The following JAK1 variants were observed in gnomAD, a reference collection of about 807,000 sequenced individuals.
The protein encoded by JAK1 is tyrosine-protein kinase JAK1.
In JAK1, 16 loss-of-function variants were observed where a neutral mutation model predicts 136.6. The ratio of observed to expected loss-of-function variants is 0.12; its 90% CI spans 0.08 to 0.18. The LOEUF is 0.18. Among genes scored for constraint, JAK1 ranks in the 10% least tolerant of loss-of-function variants. The pLI, the probability that JAK1 is intolerant of heterozygous loss-of-function variation, is 1.00. For missense variants in JAK1, 859 were observed against 1,450.1 expected (o/e 0.59, Z 6.62); for synonymous variants, 492 against 519.5 (o/e 0.95, Z 0.72).
At chr1:64,970,230 A>AGGAGTT, upstream of JAK1, among the ~76,000 whole-genome samples, 1 of 149,544 alleles carries the variant, frequency 6.7e-6, no homozygotes, top group East Asian at 2.0e-4. Context: ...GCTTGAGGCC[A>AGGAGTT]GGAGTTCAAA....
intron 1 of JAK1, among the ~76,000 whole-genome samples, chr1:64,939,357 G>C (rs1334355149): frequency 2.0e-5 from 3 of 152,190 alleles, no homozygotes; most frequent in Non-Finnish European, 4.4e-5. Context: ...ACAGGACAAG[G>C]AAAGAAGTTC....
intron 1 of JAK1, among the ~76,000 whole-genome samples, chr1:64,947,295 C>T (rs1193606780): frequency 1.3e-5 from 2 of 152,138 alleles, no homozygotes; most frequent in Non-Finnish European, 2.9e-5. Context: ...TCTCTAGAAA[C>T]TTCTCATACC....
At chr1:64,867,547 CACTGTT>C (rs371110682) in intron 6 of JAK1, among the ~76,000 whole-genome samples, 4 of 152,218 alleles carry the variant, frequency 2.6e-5, no homozygotes, top group African/African-American at 9.6e-5. Flanking sequence ...CACATCTACA[CACTGTT>C]ACTAGGATTG....
Position 64,886,320 on chromosome 1 carries a change from C to G in JAK1, c.-56G>C, listed in dbSNP as rs941420045. On this transcript the variant is annotated 5_prime_UTR_variant, in exon 2 of 25. Transcript: ENST00000342505. ...CAAACTGGATTTTCTTCTCTACTTT[C>G]CAAAGCTACTTCAGAGAAGCGCTAA... 7 of 1,569,522 alleles carry G rather than the reference C, an allele frequency of 4.5e-6. No individual in the cohort carries two copies. Among genetic ancestry groups the G allele is most frequent in the Non-Finnish European group, 6.0e-6 (7 of 1,162,882 alleles).
At chr1:64,947,624 T>A (rs1470170420) in intron 1 of JAK1, among the ~76,000 whole-genome samples, 2 of 148,190 alleles carry the variant, frequency 1.3e-5, no homozygotes, top group African/African-American at 5.0e-5. Context: ...AATAAATCCT[T>A]TTTTTTTTTT....
In JAK1 at chr1:64,844,206, T is replaced by A. The variant is rs770067159; in HGVS notation, c.2261A>T (p.Glu754Val). The change falls in exon 17 of 25, where the codon GAA becomes GTA. Residue 754 changes from glutamate (E) to valine (V), a missense_variant. By Grantham distance (121) the Glu-to-Val change is moderately radical (BLOSUM62 -2). Transcript: ENST00000342505. The surrounding 1 kb of genome is among the most constrained non-coding windows in gnomAD (Gnocchi z 5.7). ...CTCAGGAGCAATCCATGGGATTCGTTCAATGCATTCTGGAAGACAACAGAC... is the reference window on the plus strand; with the variant it reads ...CTCAGGAGCAATCCATGGGATTCGTACAATGCATTCTGGAAGACAACAGAC... ...ITVLSRQECI[E>V]RIPWIAPECV... 6.2e-7 allele frequency: 1 copy of A among 1,614,210 alleles called. No individual in the cohort carries two copies. The highest frequency in any genetic ancestry group is 1.1e-5 in the South Asian group (1 of 91,084).
intron 2 of JAK1, among the ~76,000 whole-genome samples, chr1:64,998,615 A>T (rs916284461): frequency 6.6e-6 from 1 of 152,324 alleles, no homozygotes; most frequent in Non-Finnish European, 1.5e-5. Context: ...CCCAAATCTC[A>T]TCTTGAATTC....
chr1:64,972,390 A>G (rs1393798582), intron 2 of JAK1: 1 of 151,668 alleles, frequency 6.6e-6, no homozygotes, highest in Non-Finnish European at 1.5e-5. Context: ...GTGGAAACTG[A>G]ATAGAAAGTA....
chr1:64,866,885 T>A lies in JAK1; in HGVS notation c.971A>T (p.Gln324Leu), dbSNP rs1207783359. Reference sequence around the variant, plus strand: ...ACTTACATTTGGTTTATGCCTCCACTGGATTCCAAGATTCCCAGTCACCAT... The same window carrying A: ...ACTTACATTTGGTTTATGCCTCCACAGGATTCCAAGATTCCCAGTCACCAT... ...EVMVTGNLGI[Q>L]WRHKPNVVSV... is the part of the protein sequence containing the mutation. Residue 324 changes from glutamine (Q) to leucine (L), a missense_variant, in exon 7 of 25, where the codon CAG becomes CTG. Gln to Leu is a moderately radical substitution (Grantham distance 113). Coordinates refer to ENST00000342505, the MANE Select transcript of JAK1 (RefSeq NM_002227.4). 6.2e-7 allele frequency: 1 copy of A among 1,611,990 alleles called. No individual in the cohort carries two copies. The highest frequency in any genetic ancestry group is 1.1e-5 in the South Asian group (1 of 90,980).
intron 1 of JAK1, among the ~76,000 whole-genome samples, chr1:64,898,966 C>T (rs969193248): frequency 1.3e-5 from 2 of 152,138 alleles, no homozygotes; most frequent in Non-Finnish European, 2.9e-5. Context: ...TAGTCTTTCT[C>T]CAAATGAATT....
intron 1 of JAK1, among the ~76,000 whole-genome samples, chr1:64,933,278 C>A (rs1310353431): frequency 1.3e-5 from 2 of 152,178 alleles, no homozygotes; most frequent in African/African-American, 4.8e-5. Flanking sequence ...AGGCTCCTAC[C>A]CCCGTTTTGA....
chr1:65,033,716 C>G (rs1647045025), intron 2 of JAK1, among the ~76,000 whole-genome samples: 1 of 128,228 alleles, frequency 7.8e-6, no homozygotes, highest in Non-Finnish European at 1.5e-5. Context: ...TGTGAGACTC[C>G]CGTAGTACCA....
At chr1:64,950,234 C>T (rs1032107690) in intron 1 of JAK1, among the ~76,000 whole-genome samples, 2 of 151,958 alleles carry the variant, frequency 1.3e-5, no homozygotes, top group African/African-American at 4.8e-5. Context: ...ATGGTGAAAC[C>T]CCGTCTCTAC....
At chr1:65,067,372 T>A (rs1211660674) in intron 1 of JAK1, among the ~76,000 whole-genome samples, 2 of 148,878 alleles carry the variant, frequency 1.3e-5, no homozygotes, top group Non-Finnish European at 3.0e-5. Context: ...CCGGAGCCGC[T>A]CTGTGCGCCC....
chr1:65,065,068 T>C (rs1050413768), intron 1 of JAK1, among the ~76,000 whole-genome samples: 13 of 152,184 alleles, frequency 8.5e-5, no homozygotes, highest in African/African-American at 3.1e-4. Flanking sequence ...TCAAAGTTCA[T>C]TGTGTTCCTC....
At chr1:64,928,803 A>ACAAAAAC (rs1645637176) in intron 1 of JAK1, among the ~76,000 whole-genome samples, 1 of 150,238 alleles carries the variant, frequency 6.7e-6, no homozygotes, top group Admixed American at 6.6e-5. Context: ...AAAACAAAAA[A>ACAAAAAC]AAAAAACTCT....
Position 64,962,843 on chromosome 1 carries a change from G to A in JAK1, c.-78+3490C>T, listed in dbSNP as rs143304025. ...AGCACTGTGGGAGGCCAAGGCAGGC[G>A]GATCACTTGAGATCAGAAGTTCTAG... On this transcript the variant is annotated intron_variant, in intron 1 of 24. Transcript: ENST00000342505. 2.8e-3 allele frequency among the ~76,000 whole-genome samples: 431 copies of A among 152,222 alleles called. 1 individual carries two copies. The highest frequency in any genetic ancestry group is 4.6e-3 in the Non-Finnish European group (312 of 67,996).
At chr1:64,914,979 C>T (rs1645368092) in intron 1 of JAK1, among the ~76,000 whole-genome samples, 1 of 152,162 alleles carries the variant, frequency 6.6e-6, no homozygotes, top group Non-Finnish European at 1.5e-5. Context: ...ATAAAAAAAG[C>T]TCTCTGATTT....
chr1:64,969,591 G>A (rs1393111834), upstream of JAK1, among the ~76,000 whole-genome samples: 3 of 152,118 alleles, frequency 2.0e-5, no homozygotes, highest in African/African-American at 4.8e-5. Context: ...TGCAAGCTGC[G>A]AGAGATGACA....
Sources: gnomAD v4.1 joint callset for allele counts (sites outside exome capture counted in the v4.1 genomes callset) on GRCh38, gnomAD v4.1.1 for gene constraint, Gnocchi (gnomAD v3.1) non-coding constraint, MANE v1.5 for transcripts, NCBI Gene and HGNC (gene_info 2026-07-23, HGNC 2026-07-21) for gene names.